Variants in CAMK1D observed in about 807,000 individuals in gnomAD.
CAMK1D encodes calcium/calmodulin-dependent protein kinase type 1D.
In CAMK1D, 9 loss-of-function variants were observed where a neutral mutation model predicts 47.7. That is an observed-to-expected ratio of 0.19 (90% CI 0.11 to 0.33). The LOEUF is 0.33. Among genes scored for constraint, CAMK1D ranks in the 10% least tolerant of loss-of-function variants. The probability of loss-of-function intolerance (pLI) is 1.00; values close to 1 mark genes in which losing one functional copy is unlikely to be tolerated. For missense variants in CAMK1D, 291 were observed against 488.7 expected, an observed-to-expected ratio of 0.60 and a Z score of 3.81; for synonymous variants, 184 against 184.9, an observed-to-expected ratio of 0.99 and a Z score of 0.04.
chr10:12,522,865 C>T (rs570478776), intron 1 of CAMK1D, among the ~76,000 whole-genome samples: 1,113 of 88,426 alleles, frequency 0.013, 239 homozygotes, highest in African/African-American at 0.05. Context: ...GCTGGCCGGG[C>T]GGGGGCTGAC....
intron 1 of CAMK1D, among the ~76,000 whole-genome samples, chr10:12,460,714 C>T (rs1270372150): frequency 1.3e-5 from 2 of 152,166 alleles, no homozygotes; most frequent in African/African-American, 2.4e-5. Context: ...AGGTGTGAGA[C>T]ACTGCGCCCA....
chr10:12,452,279 A>G (rs1280303414), intron 1 of CAMK1D, among the ~76,000 whole-genome samples: 1 of 152,148 alleles, frequency 6.6e-6, no homozygotes, highest in Non-Finnish European at 1.5e-5. Context: ...CAATATTTAT[A>G]CAATTATTTA....
In CAMK1D at chr10:12,416,216, G is replaced by A. The variant is rs369305715; in HGVS notation, c.92+66306G>A. On this transcript the variant is annotated intron_variant, in intron 1 of 10. Transcript: ENST00000619168. The stretch of plus-strand genomic sequence containing the variant: ...ACAGAATAATCTCTTTAAAAAAACA[G>A]CGTTAACTATATTAATGGAGAAGTC... Among the ~76,000 whole-genome samples, 162 of 152,066 alleles carry A rather than the reference G, an allele frequency of 1.1e-3. 1 individual carries two copies. The highest frequency in any genetic ancestry group is 3.7e-3 in the African/African-American group (153 of 41,480).
At chr10:12,442,702 A>G (rs1832817600) in intron 1 of CAMK1D, among the ~76,000 whole-genome samples, 1 of 152,196 alleles carries the variant, frequency 6.6e-6, no homozygotes, top group African/African-American at 2.4e-5. Flanking sequence ...ATCATGGTTT[A>G]GGTTCTGAAA....
intron 1 of CAMK1D, among the ~76,000 whole-genome samples, chr10:12,450,379 C>T (rs1331207483): frequency 3.9e-5 from 6 of 151,940 alleles, no homozygotes; most frequent in Non-Finnish European, 5.9e-5. Context: ...TTTATATAAG[C>T]GTGAAAGTTT....
At chr10:12,592,173 T>G (rs919757087) in intron 2 of CAMK1D, among the ~76,000 whole-genome samples, 1 of 152,150 alleles carries the variant, frequency 6.6e-6, no homozygotes, top group African/African-American at 2.4e-5. Context: ...AGTCCACACT[T>G]TAGTGTTTTC....
chr10:12,532,501 G>C (rs111908325), intron 1 of CAMK1D, among the ~76,000 whole-genome samples: 2 of 152,146 alleles, frequency 1.3e-5, no homozygotes, highest in African/African-American at 4.8e-5. Flanking sequence ...GGATGGTCTC[G>C]ATCTCCTGAC....
chr10:12,485,189 C>T (rs1017288592), intron 1 of CAMK1D, among the ~76,000 whole-genome samples: 5 of 152,244 alleles, frequency 3.3e-5, no homozygotes, highest in African/African-American at 7.2e-5. Context: ...GTATTTTTAG[C>T]GAACATGGCT....
chr10:12,788,331 C>T (rs915352324), intron 5 of CAMK1D, among the ~76,000 whole-genome samples: 15 of 152,322 alleles, frequency 9.8e-5, no homozygotes, highest in African/African-American at 3.6e-4. Flanking sequence ...TTGTCCTGAG[C>T]TCCCAGCACC....
intron 5 of CAMK1D, 130 bp downstream of exon 5, chr10:12,769,929 T>A: frequency 1.1e-6 from 1 of 947,650 alleles, no homozygotes; most frequent in East Asian, 2.4e-5. Flanking sequence ...TGCCTTCACT[T>A]CCCCTGGGGG....
chr10:12,494,006 T>C (rs1250997809), intron 1 of CAMK1D, among the ~76,000 whole-genome samples: 1 of 152,148 alleles, frequency 6.6e-6, no homozygotes, highest in Non-Finnish European at 1.5e-5. Context: ...TGGAAGAAGA[T>C]CATAGGACAT....
At chr10:12,769,507 G>A (rs1001240800) in intron 4 of CAMK1D, among the ~76,000 whole-genome samples, 166 bp from the exon 5 acceptor site, 1 of 152,196 alleles carries the variant, frequency 6.6e-6, no homozygotes, top group Non-Finnish European at 1.5e-5. Flanking sequence ...TGTGCCGGGC[G>A]CTCTGCACTG....
chr10:12,610,119 T>G lies in CAMK1D; in HGVS notation c.225-56617T>G, dbSNP rs533253646. Among the ~76,000 whole-genome samples, 9 of 152,278 alleles carry G rather than the reference T, an allele frequency of 5.9e-5. No individual in the cohort carries two copies. In the South Asian group the frequency reaches 1.9e-3, roughly 32 times the overall value. On this transcript the variant is annotated intron_variant, in intron 2 of 10. Transcript: ENST00000619168. ...CCATTTCCATGGTGTAAAGACTTTC[T>G]ATGTGACTAATTTAAAGCCACCAAC... is the stretch of plus-strand genomic sequence containing the variant.
chr10:12,749,574 G>GTT (rs1427691225), intron 3 of CAMK1D, among the ~76,000 whole-genome samples: 1 of 144,722 alleles, frequency 6.9e-6, no homozygotes, highest in Non-Finnish European at 1.5e-5. Flanking sequence ...TTGTTTGTTT[G>GTT]TTTTGATGAA....
intron 1 of CAMK1D, among the ~76,000 whole-genome samples, chr10:12,380,622 C>T (rs1030227915): frequency 6.6e-6 from 1 of 152,140 alleles, no homozygotes; most frequent in Admixed American, 6.6e-5. Context: ...CTTTGGGAGG[C>T]CAAGGCGGGC....
chr10:12,419,194 C>G (rs564267636), intron 1 of CAMK1D, among the ~76,000 whole-genome samples: 1 of 152,064 alleles, frequency 6.6e-6, no homozygotes, highest in East Asian at 1.9e-4. Flanking sequence ...ATATATTTTC[C>G]TCAAAACTCA....
intron 2 of CAMK1D, among the ~76,000 whole-genome samples, chr10:12,586,406 A>C (rs1837817604): frequency 7.0e-6 from 1 of 142,406 alleles, no homozygotes; most frequent in African/African-American, 2.6e-5. Context: ...CCAAGATCAC[A>C]CCATTGCACT....
intron 1 of CAMK1D, among the ~76,000 whole-genome samples, chr10:12,490,448 G>C (rs1834348620): frequency 1.3e-5 from 2 of 152,172 alleles, no homozygotes; most frequent in Non-Finnish European, 2.9e-5. Flanking sequence ...TTCTGACAGA[G>C]GGCGGACAGA....
rs569089576 is a variant in CAMK1D, at chr10:12,804,771, C to CAA, written c.642-9408_642-9407dup. 5.2e-3 allele frequency among the ~76,000 whole-genome samples: 653 copies of CAA among 126,238 alleles called. 4 individuals are homozygous for CAA. Among genetic ancestry groups the CAA allele is most frequent in the African/African-American group, 0.017 (562 of 33,346 alleles). The allele number at this position is 126,238 out of a possible 152,430, so 82.8% of individuals were successfully genotyped here. ...CAACACAGCAAGACCCTGTCTGTAC[C>CAA]AAAAAAAAAAAAAAAAATTAGCCCA... On this transcript the variant is annotated intron_variant, in intron 6 of 10. Coordinates refer to ENST00000619168, the MANE Select transcript of CAMK1D (RefSeq NM_153498.4).
Sources: gnomAD v4.1 joint callset for allele counts (sites outside exome capture counted in the v4.1 genomes callset) on GRCh38, gnomAD v4.1.1 for gene constraint, MANE v1.5 for transcripts, NCBI Gene and HGNC (gene_info 2026-07-23, HGNC 2026-07-21) for gene names.